Variants in DPP10 observed in about 807,000 individuals in gnomAD.
DPP10 encodes the protein inactive dipeptidyl peptidase 10.
Under a neutral mutation model 120.9 loss-of-function variants are expected in DPP10, and 33 were observed. The observed-to-expected ratio is 0.27, with a 90% CI of 0.21 to 0.37. The LOEUF (loss-of-function observed/expected upper bound fraction) is 0.37, where lower values mean the gene tolerates loss of function less well. DPP10 is among the 10% of genes least tolerant of loss of function. The probability of loss-of-function intolerance (pLI) is 1.00; values close to 1 mark genes in which losing one functional copy is unlikely to be tolerated. For synonymous variants in DPP10, 337 were observed against 326.1 expected, an observed-to-expected ratio of 1.03 and a Z score of -0.36; for missense variants, 816 against 942.8, an observed-to-expected ratio of 0.87 and a Z score of 1.76.
At chr2:115,579,987 TG>T (rs2081923774) in intron 5 of DPP10, 1 of 152,094 alleles carries the variant, frequency 6.6e-6, no homozygotes, top group African/African-American at 2.4e-5. Context: ...CTCCACCCCC[TG>T]GCAGGCCCCA....
chr2:115,631,037 CTTTTTTTTTTTTTT>C lies in DPP10; in HGVS notation c.442-58639_442-58626del, dbSNP rs58468918. Among the ~76,000 whole-genome samples the C allele has an allele frequency of 5.0e-4, 56 of 111,358 alleles. No homozygotes were observed. The East Asian group carries it at 8.6e-3, about 17-fold the overall frequency. 73.1% of individuals were successfully genotyped at this position (111,358 alleles called of 152,430 possible). On this transcript the variant is annotated intron_variant, in intron 5 of 25. Transcript: ENST00000410059. Reference sequence around the variant, plus strand: ...AGCTGTAAATACATCTGATCCTGGGCTTTTTTTTTTTTTTTTTTTTTTTTGTGGTTTGTAGGCTA... The same window carrying C: ...AGCTGTAAATACATCTGATCCTGGGCTTTTTTTTTTGTGGTTTGTAGGCTA...
chr2:114,975,060 A>G (rs1419399775), intron 1 of DPP10, among the ~76,000 whole-genome samples: 2 of 148,752 alleles, frequency 1.3e-5, no homozygotes, highest in Non-Finnish European at 3.0e-5. Context: ...TTTTTTTGAG[A>G]TGGAGGTTCG....
intron 4 of DPP10, among the ~76,000 whole-genome samples, chr2:115,506,924 CTA>C (rs2076974709): frequency 6.6e-6 from 1 of 151,994 alleles, no homozygotes; most frequent in African/African-American, 2.4e-5. Context: ...ATTGTGATGA[CTA>C]TAACCTGTGT....
At chr2:115,045,305 C>A (rs1704979155) in intron 1 of DPP10, among the ~76,000 whole-genome samples, 1 of 151,920 alleles carries the variant, frequency 6.6e-6, no homozygotes, top group East Asian at 1.9e-4. Flanking sequence ...TATTGGAATG[C>A]CTTTGTGTGT....
chr2:115,689,829 A>AT lies in DPP10; in HGVS notation c.495-5dup. ...AGTTTGTTCATGTAAAAATATTCAC[A>AT]TTTTTTCAAGGGAAGTTTGGGAGTT... On this transcript the variant is annotated splice_polypyrimidine_tract_variant and intron_variant, in intron 6 of 25. Transcript: ENST00000410059. The AT allele has an allele frequency of 1.2e-6, 2 of 1,613,742 alleles. No individual in the cohort carries two copies. The highest frequency in any genetic ancestry group is 2.2e-5 in the South Asian group (2 of 91,074).
At chr2:115,687,746 A>G (rs1168678641) in intron 5 of DPP10, among the ~76,000 whole-genome samples, 1 of 152,116 alleles carries the variant, frequency 6.6e-6, no homozygotes, top group Admixed American at 6.6e-5. Flanking sequence ...TTACAATTAG[A>G]GAACGACCAG....
intron 1 of DPP10, among the ~76,000 whole-genome samples, chr2:114,520,255 C>T (rs562582191): frequency 3.9e-5 from 6 of 152,140 alleles, no homozygotes; most frequent in African/African-American, 7.2e-5. Context: ...GTGTGTTTTT[C>T]TCCATTTCTA....
At chr2:115,420,541 A>G (rs530407731) in intron 3 of DPP10, among the ~76,000 whole-genome samples, 3 of 152,336 alleles carry the variant, frequency 2.0e-5, no homozygotes, top group South Asian at 2.1e-4. Flanking sequence ...CTCATTTGGC[A>G]TAAGACATCA....
chr2:114,575,103 A>G (rs987053920), intron 1 of DPP10, among the ~76,000 whole-genome samples: 1 of 152,218 alleles, frequency 6.6e-6, no homozygotes, highest in Admixed American at 6.5e-5. Context: ...GTATGAAAAG[A>G]TGGGAAGCAA....
intron 1 of DPP10, among the ~76,000 whole-genome samples, chr2:115,121,251 G>T (rs2049809870): frequency 6.6e-6 from 1 of 152,198 alleles, no homozygotes; most frequent in Non-Finnish European, 1.5e-5. Context: ...AATAGTAATT[G>T]GCCCCTAAGT....
chr2:115,714,529 G>A (rs544638786), intron 7 of DPP10, among the ~76,000 whole-genome samples: 16 of 152,120 alleles, frequency 1.1e-4, no homozygotes, highest in East Asian at 7.8e-4. Flanking sequence ...ATCTCTGTGC[G>A]TTTTCCCTAC....
At chr2:115,447,052 C>T (rs908344629) in intron 3 of DPP10, among the ~76,000 whole-genome samples, 3 of 152,126 alleles carry the variant, frequency 2.0e-5, no homozygotes, top group Non-Finnish European at 2.9e-5. Flanking sequence ...AGAACAGACG[C>T]GGGGGTGGAA....
At chr2:115,354,429 T>C (rs1409420531) in intron 3 of DPP10, among the ~76,000 whole-genome samples, 2 of 152,156 alleles carry the variant, frequency 1.3e-5, no homozygotes, top group Non-Finnish European at 2.9e-5. Context: ...GTATTTGGTT[T>C]TTTGTTTTGG....
intron 1 of DPP10, among the ~76,000 whole-genome samples, chr2:114,533,798 G>C (rs544267426): frequency 1.8e-4 from 27 of 152,144 alleles, no homozygotes; most frequent in Admixed American, 1.3e-3. Flanking sequence ...TCCTTTCAGG[G>C]TTATTGTTGA....
chr2:114,861,982 GTCAAT>G (rs988327243), intron 1 of DPP10, among the ~76,000 whole-genome samples: 3 of 151,882 alleles, frequency 2.0e-5, no homozygotes, highest in African/African-American at 7.3e-5. Context: ...TTTTAAATCA[GTCAAT>G]TCAAGTGGTA....
intron 1 of DPP10, among the ~76,000 whole-genome samples, chr2:114,511,863 A>T (rs1279177709): frequency 6.6e-6 from 1 of 152,222 alleles, no homozygotes; most frequent in Non-Finnish European, 1.5e-5. Context: ...TCCTCCAGGC[A>T]TACATTGTCT....
At chr2:114,834,512 T>C (rs569401020) in intron 1 of DPP10, among the ~76,000 whole-genome samples, 30 of 151,000 alleles carry the variant, frequency 2.0e-4, no homozygotes, top group South Asian at 1.7e-3. Flanking sequence ...CACCTATGTA[T>C]ATATAAGACA....
chr2:114,992,088 C>T (rs1700782792), intron 1 of DPP10, among the ~76,000 whole-genome samples: 1 of 152,100 alleles, frequency 6.6e-6, no homozygotes, highest in Non-Finnish European at 1.5e-5. Flanking sequence ...CCAATTTTAC[C>T]GTATGCAAAA....
chr2:115,244,254 AGAG>A (rs1261716388), intron 1 of DPP10, among the ~76,000 whole-genome samples: 3 of 96,676 alleles, frequency 3.1e-5, no homozygotes, highest in Non-Finnish European at 7.3e-5. Flanking sequence ...AGAGAGAGAG[AGAG>A]AGAGAGAGAG....
Sources: gnomAD v4.1 joint callset for allele counts (sites outside exome capture counted in the v4.1 genomes callset) on GRCh38, gnomAD v4.1.1 for gene constraint, MANE v1.5 for transcripts, NCBI Gene and HGNC (gene_info 2026-07-23, HGNC 2026-07-21) for gene names.